Variants in MDN1 observed in about 807,000 individuals in gnomAD.
The protein encoded by MDN1 is midasin AAA ATPase 1.
Under a neutral mutation model 669.2 loss-of-function variants are expected in MDN1, and 266 were observed. The ratio of observed to expected loss-of-function variants is 0.40; its 90% confidence interval spans 0.36 to 0.44. The LOEUF is 0.44. Among genes scored for constraint, MDN1 ranks in the 20% least tolerant of loss-of-function variants. The pLI is 1.00. For synonymous variants in MDN1, 2,385 were observed against 2,457.1 expected, an observed-to-expected ratio of 0.97 and a Z score of 0.87; for missense variants, 5,940 against 6,754.0, an observed-to-expected ratio of 0.88 and a Z score of 4.22.
chr6:89,715,725 C>G lies in MDN1; in HGVS notation c.6788G>C (p.Gly2263Ala). The G allele has an allele frequency of 6.2e-7, 1 of 1,613,886 alleles. No homozygotes were observed. The highest frequency in any genetic ancestry group is 8.5e-7 in the Non-Finnish European group (1 of 1,179,798). ...DRLNALLEPG[G>A]VLTISERGMI... Reference sequence around the variant, plus strand: ...TCCTCTCTCACTAATAGTGAGGACACCTCCGGGTTCAAGCAAAGCATTCAA... The same window carrying G: ...TCCTCTCTCACTAATAGTGAGGACAGCTCCGGGTTCAAGCAAAGCATTCAA... The change falls in exon 45 of 102, where the codon GGT becomes GCT. Residue 2263 changes from glycine (G) to alanine (A), a missense_variant. By Grantham distance (60) the Gly-to-Ala change is moderately conservative. Coordinates refer to ENST00000369393, the MANE Select transcript of MDN1 (RefSeq NM_014611.3).
chr6:89,690,070 G>A lies in MDN1; in HGVS notation c.10823C>T (p.Ala3608Val). Residue 3608 changes from alanine to valine, a missense_variant, in exon 65 of 102, where the codon GCA becomes GTA. Physicochemically the swap from Ala to Val is moderately conservative, Grantham distance 64 (BLOSUM62 0). Around this residue, in one of 5 missense-constraint regions of MDN1, gnomAD observed 2,280 missense variants for 2,576.3 expected, o/e 0.88. Transcript: ENST00000369393. ...GGAGAGGAGAGCTGGGTTTGTGCCTGCTTCCTCTTCTTGCCCATCTGAAGT... is the reference window on the plus strand; with the variant it reads ...GGAGAGGAGAGCTGGGTTTGTGCCTACTTCCTCTTCTTGCCCATCTGAAGT... ...KGTSDGQEEE[A>V]GTNPALLSQN... 6.2e-7 allele frequency: 1 copy of A among 1,614,182 alleles called. No individual in the cohort carries two copies. The highest frequency in any genetic ancestry group is 8.5e-7 in the Non-Finnish European group (1 of 1,180,020).
intron 15 of MDN1, among the ~76,000 whole-genome samples, chr6:89,764,508 G>A (rs561852875): frequency 6.6e-6 from 1 of 152,276 alleles, no homozygotes; most frequent in South Asian, 2.1e-4. Flanking sequence ...GGGAAGCTGA[G>A]GTGGGAGGCT....
At chr6:89,787,750 C>A in intron 8 of MDN1, 104 bp downstream of exon 8, 1 of 751,428 alleles carries the variant, frequency 1.3e-6, no homozygotes, top group Non-Finnish European at 2.2e-6. Flanking sequence ...ACTAACCTTG[C>A]TTGAAGTAGA....
chr6:89,705,080 A>G (rs1194979095), intron 53 of MDN1, among the ~76,000 whole-genome samples: 1 of 152,248 alleles, frequency 6.6e-6, no homozygotes, highest in Non-Finnish European at 1.5e-5. Context: ...CATAAACTTT[A>G]TCCCAAACAA....
intron 62 of MDN1, among the ~76,000 whole-genome samples, 153 bp downstream of exon 62, chr6:89,693,921 A>G (rs1341147812): frequency 1.3e-5 from 2 of 152,196 alleles, no homozygotes; most frequent in African/African-American, 2.4e-5. Flanking sequence ...TTCACAAGGC[A>G]TATTATTTTT....
chr6:89,656,050 G>A, intron 91 of MDN1, 82 bp from the exon 92 acceptor site: 3 of 1,247,600 alleles, frequency 2.4e-6, no homozygotes, highest in Non-Finnish European at 3.4e-6. Flanking sequence ...CATCTATAGG[G>A]GACAGGATAA....
chr6:89,739,091 T>C (rs1816152940), intron 32 of MDN1, among the ~76,000 whole-genome samples: 1 of 152,214 alleles, frequency 6.6e-6, no homozygotes, highest in Admixed American at 6.5e-5. Context: ...TTCCTTTTAC[T>C]TGATGATCAT....
In MDN1 at chr6:89,672,551, A is replaced by G. The variant is rs750954237; in HGVS notation, c.13626T>C (p.Asp4542=). The change falls in exon 81 of 102, where the codon GAT becomes GAC. Residue 4542 remains aspartate (D), a synonymous_variant. Transcript: ENST00000369393. ...TCTGCCTGATTTCAGACATACCATA[A>G]TCTTCTTGTGGGCTTGCTTGGTCAG... The part of the protein sequence containing the change: ...ENTDQASPQE[D]YAGFERLQSG... 6.2e-7 allele frequency: 1 copy of G among 1,611,268 alleles called. No individual in the cohort carries two copies. Among genetic ancestry groups the G allele is most frequent in the Non-Finnish European group, 8.5e-7 (1 of 1,179,180 alleles).
chr6:89,689,278 G>A (rs904584329), intron 65 of MDN1, among the ~76,000 whole-genome samples: 1 of 152,220 alleles, frequency 6.6e-6, no homozygotes, highest in African/African-American at 2.4e-5. Flanking sequence ...CAAGTTTCTG[G>A]AATGTGCAGA....
chr6:89,804,679 TAAACAAA>T (rs1468594467), intron 1 of MDN1, among the ~76,000 whole-genome samples: 1 of 151,890 alleles, frequency 6.6e-6, no homozygotes, highest in African/African-American at 2.4e-5. Context: ...CTCTAATAAA[TAAACAAA>T]AAACAGATCC....
At chr6:89,803,619 T>C (rs1767809231) in intron 1 of MDN1, 65 bp from the exon 2 acceptor site, 4 of 1,215,808 alleles carry the variant, frequency 3.3e-6, no homozygotes, top group Non-Finnish European at 3.5e-6. Context: ...TCTCGCTCTG[T>C]CGCCCAGGAG....
At chr6:89,778,388 C>A (rs1304206057) in intron 11 of MDN1, among the ~76,000 whole-genome samples, 2 of 151,818 alleles carry the variant, frequency 1.3e-5, no homozygotes, top group South Asian at 2.1e-4. Context: ...TTACAAGATG[C>A]AAAAAGACCC....
intron 59 of MDN1, among the ~76,000 whole-genome samples, chr6:89,697,073 T>C (rs1207451003): frequency 6.6e-6 from 1 of 152,186 alleles, no homozygotes; most frequent in Non-Finnish European, 1.5e-5. Flanking sequence ...CCAAAGTTTA[T>C]CACTAAAGGC....
At chr6:89,755,379 CAAAAAAAA>C (rs143855867) in intron 20 of MDN1, among the ~76,000 whole-genome samples, 11 of 121,238 alleles carry the variant, frequency 9.1e-5, no homozygotes, top group African/African-American at 9.3e-5. Flanking sequence ...CTCCTGTATC[CAAAAAAAA>C]AAAAAAAAAA....
chr6:89,744,253 T>G (rs914718129), intron 29 of MDN1, among the ~76,000 whole-genome samples: 9 of 151,292 alleles, frequency 5.9e-5, no homozygotes, highest in Non-Finnish European at 8.8e-5. Context: ...AAGAACTAAA[T>G]AGACAAAAAC....
At chr6:89,650,623 G>C (rs1808784085) in intron 96 of MDN1, 109 bp downstream of exon 96, 2 of 798,718 alleles carry the variant, frequency 2.5e-6, no homozygotes, top group African/African-American at 1.7e-5. Flanking sequence ...CGGCACAAGC[G>C]GCAGCCTAGA....
At chr6:89,664,069 T>C (rs1407280083) in intron 85 of MDN1, among the ~76,000 whole-genome samples, 1 of 152,224 alleles carries the variant, frequency 6.6e-6, no homozygotes, top group African/African-American at 2.4e-5. Flanking sequence ...CTGGTAGGCC[T>C]GAGGGGGGAT....
intron 11 of MDN1, among the ~76,000 whole-genome samples, 163 bp from the exon 12 acceptor site, chr6:89,776,858 C>A (rs1271369760): frequency 2.6e-5 from 4 of 152,036 alleles, no homozygotes; most frequent in Admixed American, 2.6e-4. Flanking sequence ...GGACTGAGGA[C>A]CTGACCATAA....
chr6:89,768,257 G>C (rs1283709963), intron 15 of MDN1, among the ~76,000 whole-genome samples: 1 of 152,032 alleles, frequency 6.6e-6, no homozygotes, highest in Non-Finnish European at 1.5e-5. Context: ...TTGTGCAAGG[G>C]ACAGGTGGGA....
Sources: allele counts gnomAD v4.1 joint callset (sites outside exome capture counted in the v4.1 genomes callset), GRCh38; gene constraint gnomAD v4.1.1; regional missense constraint gnomAD v4.1.1; transcripts MANE v1.5; gene names NCBI Gene and HGNC (gene_info 2026-07-23, HGNC 2026-07-21).